Variants in LYG1 observed in about 807,000 individuals in gnomAD.
LYG1 encodes the protein lysozyme g-like protein 1.
In LYG1, 17 loss-of-function variants were observed where a neutral mutation model predicts 21.7. The ratio of observed to expected loss-of-function variants is 0.78; its 90% CI spans 0.54 to 1.18. LYG1 has a LOEUF of 1.18. Ranked by LOEUF, LYG1 falls within the 50% of genes most tolerant of loss-of-function variation. The pLI is 0.00. For missense variants in LYG1, 211 were observed against 238.1 expected (o/e 0.89, Z 0.75); for synonymous variants, 81 against 87.4 (o/e 0.93, Z 0.41).
intron 3 of LYG1, among the ~76,000 whole-genome samples, chr2:99,294,565 C>A (rs1251700505): frequency 1.3e-5 from 2 of 152,098 alleles, no homozygotes; most frequent in African/African-American, 2.4e-5. Context: ...GTGACAAATA[C>A]CCTTAGTACT....
chr2:99,284,416 A>T lies in LYG1; in HGVS notation c.562T>A (p.Tyr188Asn). ...TGTTAGAAGCCATGTCTCTTGAGGT[A>T]CTTGGCTCGTGCAAGGACATCATTG... ...FCNDVLARAK[Y>N]LKRHGF The change falls in exon 7 of 7, where the codon TAC becomes AAC. Residue 188 changes from tyrosine (Y) to asparagine (N), a missense_variant. Transcript: ENST00000308528. 1 of 1,614,202 alleles carries T rather than the reference A, an allele frequency of 6.2e-7. No homozygotes were observed. The highest frequency in any genetic ancestry group is 1.1e-5 in the South Asian group (1 of 91,090).
chr2:99,298,008 C>G (rs1437245970), intron 2 of LYG1, among the ~76,000 whole-genome samples: 3 of 152,196 alleles, frequency 2.0e-5, no homozygotes, highest in African/African-American at 4.8e-5. Flanking sequence ...AGCCACCACA[C>G]CTAGCTTGGA....
intron 4 of LYG1, among the ~76,000 whole-genome samples, chr2:99,291,677 G>A (rs1187771556): frequency 6.6e-6 from 1 of 152,124 alleles, no homozygotes; most frequent in African/African-American, 2.4e-5. Flanking sequence ...GCTCTCAGGG[G>A]CTGCTCTGGC....
intron 1 of LYG1, among the ~76,000 whole-genome samples, chr2:99,299,691 C>G (rs1163105016): frequency 6.6e-6 from 1 of 152,052 alleles, no homozygotes; most frequent in Non-Finnish European, 1.5e-5. Flanking sequence ...TCCCAAAGTG[C>G]TGGGAACCAC....
upstream of LYG1, among the ~76,000 whole-genome samples, chr2:99,303,076 A>G (rs531439550): frequency 6.6e-5 from 10 of 151,986 alleles, no homozygotes; most frequent in Admixed American, 5.2e-4. Context: ...GTGAGACCAC[A>G]AGGCAGGGCA....
chr2:99,286,763 G>C (rs1432632964), intron 5 of LYG1, among the ~76,000 whole-genome samples: 1 of 151,910 alleles, frequency 6.6e-6, no homozygotes, highest in Non-Finnish European at 1.5e-5. Flanking sequence ...CCCCTTTCTG[G>C]GTATTCATCC....
At chr2:99,303,691 T>C (rs2094160336), upstream of LYG1, among the ~76,000 whole-genome samples, 1 of 152,128 alleles carries the variant, frequency 6.6e-6, no homozygotes, top group South Asian at 2.1e-4. Context: ...GAGATGATGG[T>C]TGGACTAGAG....
At chr2:99,301,510 A>AAGGG (rs374513599), upstream of LYG1, among the ~76,000 whole-genome samples, 43,321 of 109,780 alleles carry the variant, frequency 0.39, 9,540 homozygotes, top group Admixed American at 0.55. Flanking sequence ...GGAAGGAAGG[A>AAGGG]AGGGAGGGAG....
At chr2:99,296,565 T>C (rs2094137148) in intron 2 of LYG1, among the ~76,000 whole-genome samples, 1 of 152,044 alleles carries the variant, frequency 6.6e-6, no homozygotes, top group African/African-American at 2.4e-5. Flanking sequence ...CCACCAAGGA[T>C]AGTTTGCTGT....
intron 5 of LYG1, among the ~76,000 whole-genome samples, chr2:99,285,632 CCT>C (rs912965011): frequency 6.6e-5 from 10 of 152,196 alleles, no homozygotes; most frequent in African/African-American, 2.4e-4. Context: ...ATAACCATCC[CCT>C]CTGTCTTATG....
upstream of LYG1, among the ~76,000 whole-genome samples, chr2:99,303,510 G>A (rs574956058): frequency 6.6e-6 from 1 of 152,120 alleles, no homozygotes; most frequent in East Asian, 1.9e-4. Flanking sequence ...CTGCACCTGG[G>A]TCCCCACCCT....
intron 5 of LYG1, among the ~76,000 whole-genome samples, chr2:99,285,774 G>A (rs545381133): frequency 4.6e-5 from 7 of 152,156 alleles, no homozygotes; most frequent in African/African-American, 1.4e-4. Flanking sequence ...ATTTGGACTC[G>A]TGCCCAAATT....
At chr2:99,293,368 T>C (rs1473877431) in intron 3 of LYG1, among the ~76,000 whole-genome samples, 1 of 152,258 alleles carries the variant, frequency 6.6e-6, no homozygotes, top group Non-Finnish European at 1.5e-5. Context: ...GAAATATTTA[T>C]GTTTGCTCTG....
intron 1 of LYG1, among the ~76,000 whole-genome samples, chr2:99,299,284 C>CTTT (rs759326268): frequency 8.0e-6 from 1 of 124,646 alleles, no homozygotes; most frequent in Non-Finnish European, 1.7e-5. Context: ...TTCTTTTTTT[C>CTTT]TTTTTTTTTT....
Position 99,295,666 on chromosome 2 carries a change from G to C in LYG1, c.5C>G (p.Ser2Cys), listed in dbSNP as rs760713566. 4.9e-5 allele frequency: 79 copies of C among 1,614,044 alleles called. No homozygotes were observed. The Admixed American group carries it at 1.3e-3, about 26-fold the overall frequency. Residue 2 changes from serine (S) to cysteine (C), a missense_variant, in exon 3 of 7, where the codon TCT becomes TGT. Coordinates refer to ENST00000308528, the MANE Select transcript of LYG1 (RefSeq NM_174898.3). ...GAGGCCCAGCAGCAGCCACAATGCAGACATGATGACGATCTGGCTCTACGG... is the reference window on the plus strand; with the variant it reads ...GAGGCCCAGCAGCAGCCACAATGCACACATGATGACGATCTGGCTCTACGG... Reference protein sequence around the residue: MSALWLLLGLLA... With the variant: MCALWLLLGLLA...
At chr2:99,296,371 T>A (rs2094136385) in intron 2 of LYG1, among the ~76,000 whole-genome samples, 1 of 152,108 alleles carries the variant, frequency 6.6e-6, no homozygotes, top group Non-Finnish European at 1.5e-5. Flanking sequence ...AGCTGGCTCA[T>A]GGGCAGGGGT....
At chr2:99,290,441 T>G (rs1427088906) in intron 5 of LYG1, among the ~76,000 whole-genome samples, 4 of 152,190 alleles carry the variant, frequency 2.6e-5, no homozygotes, top group Admixed American at 6.5e-5. Context: ...TAAAATAAAG[T>G]ATTTGAAAGT....
chr2:99,297,116 A>G (rs1305518021), intron 2 of LYG1, among the ~76,000 whole-genome samples: 1 of 152,220 alleles, frequency 6.6e-6, no homozygotes, highest in African/African-American at 2.4e-5. Context: ...TCTCTACAAC[A>G]TTGAGATGGT....
intron 5 of LYG1, 90 bp downstream of exon 5, chr2:99,291,147 G>T: frequency 1.6e-6 from 2 of 1,256,664 alleles, no homozygotes; most frequent in Non-Finnish European, 1.1e-6. Flanking sequence ...CATTCATGCT[G>T]TGTTCTGTGA....
Sources: allele counts gnomAD v4.1 joint callset (sites outside exome capture counted in the v4.1 genomes callset), GRCh38; gene constraint gnomAD v4.1.1; transcripts MANE v1.5; gene names NCBI Gene and HGNC (gene_info 2026-07-23, HGNC 2026-07-21).